CTNNA3: variants seen among roughly 807,000 people sequenced by gnomAD.
The protein encoded by CTNNA3 is catenin alpha-3.
In CTNNA3, 76 loss-of-function variants were observed where a neutral mutation model predicts 95.7. The ratio of observed to expected loss-of-function variants is 0.79; its 90% CI spans 0.66 to 0.96. CTNNA3 has a LOEUF of 0.96. Ranked by LOEUF, CTNNA3 falls within the 40% of genes least tolerant of loss-of-function variation. The pLI is 0.00. For missense variants in CTNNA3, 1,191 were observed against 1,089.8 expected, an observed-to-expected ratio of 1.09 and a Z score of -1.31; for synonymous variants, 431 against 374.4, an observed-to-expected ratio of 1.15 and a Z score of -1.74.
chr10:66,758,840 C>T (rs1262829669), intron 9 of CTNNA3, among the ~76,000 whole-genome samples: 1 of 152,012 alleles, frequency 6.6e-6, no homozygotes, highest in African/African-American at 2.4e-5. Flanking sequence ...GAGACTGAGG[C>T]AGGAGAATCT....
In CTNNA3 at chr10:65,939,069, A is replaced by AT. The variant is rs1033860670; in HGVS notation, c.2401-18453dup. 1.0e-3 allele frequency among the ~76,000 whole-genome samples: 151 copies of AT among 151,564 alleles called. 1 individual carries two copies. Among genetic ancestry groups the AT allele is most frequent in the African/African-American group, 3.1e-3 (129 of 41,368 alleles). ...AGGTGCCCGCTACCATGCCTGGCTAATTTTTTTTGTATTTTGTAGTAGAGA... is the reference window on the plus strand; with the variant it reads ...AGGTGCCCGCTACCATGCCTGGCTAATTTTTTTTTGTATTTTGTAGTAGAGA... On this transcript the variant is annotated intron_variant, in intron 17 of 17. Transcript: ENST00000433211.
chr10:66,862,003 T>G (rs1843949437), intron 7 of CTNNA3, among the ~76,000 whole-genome samples: 1 of 152,076 alleles, frequency 6.6e-6, no homozygotes, highest in African/African-American at 2.4e-5. Context: ...TGACCTGAGG[T>G]CAGGAGTTCA....
intron 9 of CTNNA3, among the ~76,000 whole-genome samples, chr10:66,702,262 C>T (rs1279256555): frequency 1.3e-5 from 2 of 151,602 alleles, no homozygotes; most frequent in Non-Finnish European, 2.9e-5. Context: ...ACCTATGATG[C>T]TGTGTTTTGA....
chr10:66,733,145 T>C (rs1409739214), intron 9 of CTNNA3, among the ~76,000 whole-genome samples: 5 of 152,100 alleles, frequency 3.3e-5, no homozygotes, highest in African/African-American at 9.7e-5. Flanking sequence ...TCAAGTAAGA[T>C]ATGTTCTTTA....
chr10:67,043,206 C>A (rs1299526900), intron 7 of CTNNA3, among the ~76,000 whole-genome samples: 1 of 146,218 alleles, frequency 6.8e-6, no homozygotes, highest in Non-Finnish European at 1.5e-5. Flanking sequence ...AGCTCACATA[C>A]TTGAAGTGTG....
intron 14 of CTNNA3, among the ~76,000 whole-genome samples, chr10:66,099,130 G>T (rs578232366): frequency 6.6e-6 from 1 of 152,270 alleles, no homozygotes; most frequent in South Asian, 2.1e-4. Context: ...GAGTCTGCAT[G>T]ATCCAAGAAC....
chr10:66,678,148 G>A (rs1281474465), intron 9 of CTNNA3, among the ~76,000 whole-genome samples: 1 of 152,076 alleles, frequency 6.6e-6, no homozygotes, highest in African/African-American at 2.4e-5. Context: ...CCTTGTCACT[G>A]GTGATTATTT....
intron 10 of CTNNA3, among the ~76,000 whole-genome samples, chr10:66,521,637 A>T (rs2132023734): frequency 6.6e-6 from 1 of 152,264 alleles, no homozygotes; most frequent in South Asian, 2.1e-4. Flanking sequence ...ATTTTGTCAA[A>T]CCACTCTCAA....
chr10:66,384,790 C>T (rs1030095381), intron 11 of CTNNA3, among the ~76,000 whole-genome samples: 4 of 152,174 alleles, frequency 2.6e-5, no homozygotes, highest in African/African-American at 9.7e-5. Context: ...AAGAAACTTA[C>T]TCCAAACAAC....
chr10:67,194,706 C>T (rs1863267941), intron 6 of CTNNA3, among the ~76,000 whole-genome samples: 1 of 151,718 alleles, frequency 6.6e-6, no homozygotes, highest in African/African-American at 2.4e-5. Flanking sequence ...CTAATATAAA[C>T]TAGGGATTGT....
intron 9 of CTNNA3, among the ~76,000 whole-genome samples, chr10:66,740,457 T>G (rs929187064): frequency 1.4e-4 from 21 of 152,302 alleles, no homozygotes; most frequent in Admixed American, 1.1e-3. Context: ...TAATATTCAA[T>G]TTTGTCAAAT....
At chr10:66,126,998 G>A (rs2082857622) in intron 13 of CTNNA3, among the ~76,000 whole-genome samples, 1 of 152,020 alleles carries the variant, frequency 6.6e-6, no homozygotes, top group Non-Finnish European at 1.5e-5. Context: ...GCCGGGCGCG[G>A]TGGCTCACAC....
At chr10:66,949,084 A>T (rs1250511764) in intron 7 of CTNNA3, among the ~76,000 whole-genome samples, 1 of 152,252 alleles carries the variant, frequency 6.6e-6, no homozygotes, top group East Asian at 1.9e-4. Flanking sequence ...GCAAAAATTT[A>T]TAATCTGCAT....
rs61759502 is a variant in CTNNA3, at chr10:67,606,993, C to T, written c.156G>A (p.Ser52=). The T allele has an allele frequency of 1.9e-6, 3 of 1,613,978 alleles. No homozygotes were observed. Among genetic ancestry groups the T allele is most frequent in the Non-Finnish European group, 2.5e-6 (3 of 1,179,980 alleles). The change falls in exon 3 of 18, where the codon TCG becomes TCA. Residue 52 remains serine, a synonymous_variant. Coordinates refer to ENST00000433211, the MANE Select transcript of CTNNA3 (RefSeq NM_013266.4). Reference sequence around the variant, plus strand: ...AAGCTAGAAGGACACTGGCTCTTTTCGAACGTCCTTTTTTCCTGCTGGAAG... The same window carrying T: ...AAGCTAGAAGGACACTGGCTCTTTTTGAACGTCCTTTTTTCCTGCTGGAAG... ...QNPSSRKKGR[S]KRASVLLASV... is the part of the protein sequence containing the mutation.
At chr10:66,642,594 G>A (rs992554992) in intron 9 of CTNNA3, among the ~76,000 whole-genome samples, 4 of 151,878 alleles carry the variant, frequency 2.6e-5, no homozygotes, top group Non-Finnish European at 5.9e-5. Context: ...CTATTCCCTT[G>A]GCTAGAAATA....
At chr10:66,037,601 C>A (rs2079593252) in intron 15 of CTNNA3, among the ~76,000 whole-genome samples, 1 of 152,134 alleles carries the variant, frequency 6.6e-6, no homozygotes, top group Non-Finnish European at 1.5e-5. Context: ...AAAGACTTTG[C>A]CAGTGCACTA....
chr10:67,042,775 A>G (rs2133152269), intron 7 of CTNNA3, among the ~76,000 whole-genome samples: 1 of 152,274 alleles, frequency 6.6e-6, no homozygotes, highest in Non-Finnish European at 1.5e-5. Flanking sequence ...TGGATTCAGA[A>G]CAAAGAAGTC....
intron 7 of CTNNA3, among the ~76,000 whole-genome samples, chr10:67,128,951 T>A (rs1404752119): frequency 1.3e-5 from 2 of 151,970 alleles, no homozygotes; most frequent in East Asian, 1.9e-4. Context: ...AGGCTAATCA[T>A]GAAAAAGTGT....
rs760880098 is a variant in CTNNA3 at position 66,890,375 on chromosome 10, CAA to C, written c.1048-114853_1048-114852del. On this transcript the variant is annotated intron_variant, in intron 7 of 17. Coordinates refer to ENST00000433211, the MANE Select transcript of CTNNA3 (RefSeq NM_013266.4). Reference sequence around the variant, plus strand: ...CTGAGGCATTCAAAGATTTCAGAATCAAAAAAAAAAAAATAGTAGCAAAGAAG... The same window carrying C: ...CTGAGGCATTCAAAGATTTCAGAATCAAAAAAAAAAATAGTAGCAAAGAAG... Among the ~76,000 whole-genome samples the C allele has an allele frequency of 3.3e-3, 391 of 119,438 alleles. 1 individual carries two copies. The highest frequency in any genetic ancestry group is 0.011 in the African/African-American group (372 of 32,522). The allele number at this position is 119,438 out of a possible 152,430, so 78.4% of individuals were successfully genotyped here. A position where few individuals can be genotyped will look rare whatever the true frequency, so the allele number is the denominator to read the frequency against.
Sources: gnomAD v4.1 joint callset for allele counts (sites outside exome capture counted in the v4.1 genomes callset) on GRCh38, gnomAD v4.1.1 for gene constraint, MANE v1.5 for transcripts, NCBI Gene and HGNC (gene_info 2026-07-23, HGNC 2026-07-21) for gene names.